VIT: variants seen among roughly 807,000 people sequenced by gnomAD.
VIT encodes the protein vitrin.
VIT carries 99 observed loss-of-function variants against 78.0 expected under a neutral mutation model. That is an observed-to-expected ratio of 1.27 (90% CI 1.08 to 1.50). The LOEUF (loss-of-function observed/expected upper bound fraction) is 1.50, where lower values mean the gene tolerates loss of function less well. Ranked by LOEUF, VIT falls within the 40% of genes most tolerant of loss-of-function variation. The pLI is 0.00. For missense variants in VIT, 1,126 were observed against 875.3 expected, an observed-to-expected ratio of 1.29 and a Z score of -3.61; for synonymous variants, 374 against 334.3, an observed-to-expected ratio of 1.12 and a Z score of -1.29.
intron 1 of VIT, among the ~76,000 whole-genome samples, chr2:36,704,517 CCTT>C (rs1235785230): frequency 1.3e-5 from 2 of 152,130 alleles, no homozygotes; most frequent in Non-Finnish European, 2.9e-5. Context: ...TCTGAGGGCT[CCTT>C]CAGAGCAGGG....
At chr2:36,766,956 C>G (rs1025348310) in intron 6 of VIT, 138 bp from the exon 7 acceptor site, 1 of 971,062 alleles carries the variant, frequency 1.0e-6, no homozygotes, top group Middle Eastern at 3.1e-4. Context: ...GTGGCTGTTA[C>G]CTGGGTTTCA....
chr2:36,764,662 C>G (rs1004789742), intron 6 of VIT, among the ~76,000 whole-genome samples: 1 of 152,086 alleles, frequency 6.6e-6, no homozygotes, highest in Admixed American at 6.5e-5. Context: ...AAGAGCAGAC[C>G]GAATGGCTGA....
intron 15 of VIT, among the ~76,000 whole-genome samples, chr2:36,811,616 A>C (rs1027092010): frequency 6.6e-6 from 1 of 151,984 alleles, no homozygotes; most frequent in Non-Finnish European, 1.5e-5. Flanking sequence ...CTGTACAACA[A>C]GAGTGGACTT....
intron 12 of VIT, among the ~76,000 whole-genome samples, chr2:36,793,260 C>G (rs1000422253): frequency 6.6e-6 from 1 of 152,144 alleles, no homozygotes; most frequent in South Asian, 2.1e-4. Flanking sequence ...AATTTTCTAC[C>G]CTTTTTGGTA....
chr2:36,771,738 C>T (rs989032185), intron 7 of VIT, among the ~76,000 whole-genome samples: 9 of 152,028 alleles, frequency 5.9e-5, no homozygotes, highest in Non-Finnish European at 1.0e-4. Context: ...GGGGTGAGAA[C>T]AGATGCTGTT....
chr2:36,765,607 T>G (rs998351367), intron 6 of VIT, among the ~76,000 whole-genome samples: 2 of 152,070 alleles, frequency 1.3e-5, no homozygotes, highest in African/African-American at 4.8e-5. Flanking sequence ...GAGATTTGGG[T>G]GGGGACACGG....
At chr2:36,749,532 T>G (rs919420050) in intron 4 of VIT, among the ~76,000 whole-genome samples, 3 of 152,272 alleles carry the variant, frequency 2.0e-5, no homozygotes, top group Admixed American at 2.0e-4. Context: ...CTTTATCTTA[T>G]TTAATCCTGA....
intron 14 of VIT, among the ~76,000 whole-genome samples, chr2:36,805,933 C>G (rs1047195656): frequency 6.6e-6 from 1 of 152,138 alleles, no homozygotes; most frequent in African/African-American, 2.4e-5. Context: ...CAGGGGGGGT[C>G]TCACCCAGGC....
intron 2 of VIT, among the ~76,000 whole-genome samples, chr2:36,717,429 G>A (rs1486851864): frequency 7.4e-6 from 1 of 134,556 alleles, no homozygotes; most frequent in African/African-American, 2.6e-5. Flanking sequence ...TGTGAGACAG[G>A]GTTTCACCGT....
chr2:36,772,572 T>C (rs1669827757), intron 7 of VIT, among the ~76,000 whole-genome samples: 1 of 151,640 alleles, frequency 6.6e-6, no homozygotes, highest in Non-Finnish European at 1.5e-5. Context: ...CAGAGCATGG[T>C]GATGTGCACT....
intron 7 of VIT, among the ~76,000 whole-genome samples, chr2:36,768,045 C>T (rs1161885554): frequency 6.6e-6 from 1 of 152,196 alleles, no homozygotes; most frequent in African/African-American, 2.4e-5. Context: ...TCGCCTCCAG[C>T]TTGCAGTCAC....
chr2:36,719,258 T>G (rs1666345941), intron 2 of VIT, among the ~76,000 whole-genome samples: 2 of 152,158 alleles, frequency 1.3e-5, no homozygotes, highest in Admixed American at 1.3e-4. Flanking sequence ...ACCTAAAAGC[T>G]TTTCCTCTAA....
chr2:36,718,308 G>A (rs548744232), intron 2 of VIT, among the ~76,000 whole-genome samples: 73 of 152,228 alleles, frequency 4.8e-4, no homozygotes, highest in Non-Finnish European at 8.2e-4. Flanking sequence ...AAGAGAAGAA[G>A]GTAATACAGC....
intron 8 of VIT, 60 bp downstream of exon 8, chr2:36,773,907 T>G: frequency 1.0e-3 from 1,518 of 1,514,666 alleles, no homozygotes; most frequent in Non-Finnish European, 1.2e-3. Flanking sequence ...TACATGCGGT[T>G]CCTCTCCACA....
chr2:36,754,803 T>C, intron 4 of VIT, 118 bp from the exon 5 acceptor site: 2 of 1,162,554 alleles, frequency 1.7e-6, no homozygotes, highest in Non-Finnish European at 2.4e-6. Flanking sequence ...AGGTAAACTT[T>C]GCTTAACCTT....
intron 10 of VIT, 89 bp downstream of exon 10, chr2:36,781,860 C>A: frequency 1.3e-6 from 2 of 1,501,186 alleles, no homozygotes; most frequent in Non-Finnish European, 1.8e-6. Flanking sequence ...GCTGGCATAG[C>A]GGCCGAGCTC....
chr2:36,763,972 T>C (rs1339112564), intron 6 of VIT, among the ~76,000 whole-genome samples: 1 of 152,048 alleles, frequency 6.6e-6, no homozygotes, highest in African/African-American at 2.4e-5. Context: ...GTTGAATTTA[T>C]GATACACTTG....
chr2:36,777,473 G>C (rs927527491), intron 9 of VIT, among the ~76,000 whole-genome samples: 1 of 152,054 alleles, frequency 6.6e-6, no homozygotes, highest in African/African-American at 2.4e-5. Flanking sequence ...AGGGCACCCC[G>C]AGCAGAACAC....
intron 1 of VIT, among the ~76,000 whole-genome samples, chr2:36,699,404 T>C (rs6717705): frequency 0.83 from 125,392 of 151,984 alleles, 52,643 homozygotes; most frequent in Middle Eastern, 0.95. Context: ...GAAATAGTGC[T>C]ATGAAAATTA....
Sources: allele counts gnomAD v4.1 joint callset (sites outside exome capture counted in the v4.1 genomes callset), GRCh38; gene constraint gnomAD v4.1.1; transcripts MANE v1.5; gene names NCBI Gene and HGNC (gene_info 2026-07-23, HGNC 2026-07-21).